PRICKLE2: variants seen among roughly 807,000 people sequenced by gnomAD.
PRICKLE2 encodes prickle-like protein 2.
Under a neutral mutation model 81.4 loss-of-function variants are expected in PRICKLE2, and 21 were observed. The observed-to-expected ratio is 0.26, with a 90% CI of 0.18 to 0.37. The LOEUF (loss-of-function observed/expected upper bound fraction) is 0.37. Ranked by LOEUF, PRICKLE2 falls within the 10% of genes least tolerant of loss-of-function variation. The pLI is 1.00. For missense variants in PRICKLE2, 940 were observed against 1,109.0 expected (o/e 0.85, Z 2.16); for synonymous variants, 456 against 421.5 (o/e 1.08, Z -1.00).
At position 64,099,085 on chromosome 3, in the gene PRICKLE2, T is replaced by C. The variant is rs2076610971; in HGVS notation, c.2501A>G (p.Lys834Arg). The C allele has an allele frequency of 6.2e-7, 1 of 1,614,128 alleles. No individual in the cohort carries two copies. The highest frequency in any genetic ancestry group is 1.7e-5 in the Admixed American group (1 of 60,004). ...GATACAGTTTTTGCTCTTCTGTCTTTTCCTGCTGTGCAACTGTCCTCTGCC... is the reference window on the plus strand; with the variant it reads ...GATACAGTTTTTGCTCTTCTGTCTTCTCCTGCTGTGCAACTGTCCTCTGCC... ...LGGRGQLHSR[K>R]RQKSKNCIIS The change falls in exon 8 of 8, where the codon AAA becomes AGA. Residue 834 changes from lysine to arginine, a missense_variant. Around this residue, in one of 2 missense-constraint regions of PRICKLE2, gnomAD observed 670 missense variants for 717.2 expected, o/e 0.93. Transcript: ENST00000638394. This position sits in a 1 kb window ranked among gnomAD's most constrained non-coding sequence, Gnocchi z 4.3.
chr3:64,261,365 G>A (rs920148592), intron 2 of PRICKLE2, among the ~76,000 whole-genome samples: 4 of 152,130 alleles, frequency 2.6e-5, no homozygotes, highest in Non-Finnish European at 5.9e-5. Context: ...TTTGTTTAGG[G>A]AGCCCTCCTA....
intron 7 of PRICKLE2, chr3:64,100,174 T>C (rs780584123): frequency 3.7e-6 from 2 of 539,542 alleles, no homozygotes; most frequent in Non-Finnish European, 6.6e-6. Flanking sequence ...TACTAGTTCC[T>C]CCAAAGGCTC....
At chr3:64,233,204 C>T (rs1325216619) in intron 2 of PRICKLE2, among the ~76,000 whole-genome samples, 1 of 150,564 alleles carries the variant, frequency 6.6e-6, no homozygotes, top group Non-Finnish European at 1.5e-5. Context: ...ATGCCACTGC[C>T]ATTTCTCTCC....
Position 64,147,246 on chromosome 3 carries a change from G to A in PRICKLE2, c.1244C>T (p.Pro415Leu). ...NKMEQNQTQS[P>L]LQLLSQCNIR... ...GTTGCACTGGCTGAGGAGCTGCAGA[G>A]GGCTCTGGGTCTGGTTCTGCTCCAT... The change falls in exon 7 of 8, where the codon CCT (proline) becomes CTT (leucine). Residue 415 changes from proline to leucine, a missense_variant. This residue lies in a region of PRICKLE2 where 670 missense variants were observed against 717.2 expected (regional missense o/e 0.93). Transcript: ENST00000638394. The surrounding 1 kb of genome is among the most constrained non-coding windows in gnomAD (Gnocchi z 5.0). 1 of 1,609,228 alleles carries A rather than the reference G, an allele frequency of 6.2e-7. No individual in the cohort carries two copies. Among genetic ancestry groups the A allele is most frequent in the Non-Finnish European group, 8.5e-7 (1 of 1,176,754 alleles).
rs1397142932 is a variant in PRICKLE2 at position 64,225,087 on chromosome 3, C to T, written c.-218G>A. 2.0e-6 allele frequency: 2 copies of T among 985,318 alleles called. No individual in the cohort carries two copies. Among genetic ancestry groups the T allele is most frequent in the East Asian group, 2.3e-4 (2 of 8,810 alleles). The allele number at this position is 985,318 out of a possible 1,614,324, so 61.0% of individuals were successfully genotyped here. On this transcript the variant is annotated 5_prime_UTR_variant, in exon 1 of 8. Coordinates refer to ENST00000638394, the MANE Select transcript of PRICKLE2 (RefSeq NM_198859.4). ...TTTTCAGTCTGAACCCTTCCTGAAG[C>T]TGGCAACAGACTCAAGCCGAGCTGC...
At chr3:64,178,503 T>C (rs1054057040) in intron 2 of PRICKLE2, among the ~76,000 whole-genome samples, 1 of 152,222 alleles carries the variant, frequency 6.6e-6, no homozygotes, top group Admixed American at 6.5e-5. Flanking sequence ...GCAAGTCTCA[T>C]GGACATGCCT....
chr3:64,202,181 AT>A (rs1235995544), intron 1 of PRICKLE2, among the ~76,000 whole-genome samples: 3 of 152,140 alleles, frequency 2.0e-5, no homozygotes, highest in Non-Finnish European at 4.4e-5. Flanking sequence ...GAGTCAAGCA[AT>A]TTTTGTTCTT....
In PRICKLE2 at chr3:64,146,919, A is replaced by T; in HGVS notation, c.1571T>A (p.Ile524Asn). ...GTCCTCTGTGTATTTCAGGGAACTG[A>T]TGGGATGACGGGTCCGACACTGCTG... ...STQQCRTRHP[I>N]SSLKYTEDMT... Residue 524 changes from isoleucine to asparagine, a missense_variant, in exon 7 of 8, where the codon ATC becomes AAC. Around this residue, in one of 2 missense-constraint regions of PRICKLE2, gnomAD observed 670 missense variants for 717.2 expected, o/e 0.93. Transcript: ENST00000638394. The T allele has an allele frequency of 6.2e-7, 1 of 1,614,050 alleles. No homozygotes were observed. Among genetic ancestry groups the T allele is most frequent in the Non-Finnish European group, 8.5e-7 (1 of 1,180,000 alleles).
At chr3:64,138,842 C>T (rs767672029) in intron 7 of PRICKLE2, among the ~76,000 whole-genome samples, 6 of 152,182 alleles carry the variant, frequency 3.9e-5, no homozygotes, top group Non-Finnish European at 7.3e-5. Flanking sequence ...AATACATAAG[C>T]ACATCTGAGG....
intron 6 of PRICKLE2, among the ~76,000 whole-genome samples, chr3:64,150,399 A>G (rs945334361): frequency 3.3e-5 from 5 of 152,144 alleles, no homozygotes; most frequent in Admixed American, 6.5e-5. Flanking sequence ...TGGAGTGCTG[A>G]GAACTGGGCC....
chr3:64,155,758 G>A (rs935609799), intron 5 of PRICKLE2, among the ~76,000 whole-genome samples: 4 of 152,104 alleles, frequency 2.6e-5, no homozygotes, highest in Non-Finnish European at 4.4e-5. Flanking sequence ...CACGCTAAAC[G>A]AAAGAAACCA....
intron 2 of PRICKLE2, among the ~76,000 whole-genome samples, chr3:64,170,502 C>T (rs1000881350): frequency 6.6e-6 from 1 of 152,060 alleles, no homozygotes; most frequent in Non-Finnish European, 1.5e-5. Flanking sequence ...GCAGTCGAGT[C>T]TCTATTCAGC....
chr3:64,249,051 T>A (rs1426950563), intron 2 of PRICKLE2, among the ~76,000 whole-genome samples: 2 of 152,202 alleles, frequency 1.3e-5, no homozygotes, highest in African/African-American at 4.8e-5. Flanking sequence ...ATTAACAATC[T>A]GTATTAGTCT....
At chr3:64,134,496 G>C (rs1321370038) in intron 7 of PRICKLE2, among the ~76,000 whole-genome samples, 1 of 152,130 alleles carries the variant, frequency 6.6e-6, no homozygotes, top group African/African-American at 2.4e-5. Flanking sequence ...TTGTTGACTG[G>C]GTATAGGGGG....
intron 2 of PRICKLE2, among the ~76,000 whole-genome samples, chr3:64,233,211 C>T (rs539521661): frequency 2.7e-5 from 4 of 149,828 alleles, no homozygotes; most frequent in Admixed American, 1.3e-4. Flanking sequence ...TGCCATTTCT[C>T]TCCTGGATGA....
chr3:64,173,097 G>T (rs2077962239), intron 2 of PRICKLE2, among the ~76,000 whole-genome samples: 1 of 152,238 alleles, frequency 6.6e-6, no homozygotes, highest in Non-Finnish European at 1.5e-5. Context: ...TAGGTGGAAA[G>T]AGGTTATATT....
At chr3:64,110,759 T>G (rs1487213027) in intron 7 of PRICKLE2, among the ~76,000 whole-genome samples, 2 of 151,726 alleles carry the variant, frequency 1.3e-5, no homozygotes, top group African/African-American at 4.8e-5. Flanking sequence ...ACTGGAACAT[T>G]GTGAGCAAGG....
Position 64,220,551 on chromosome 3 carries a change from C to T in PRICKLE2, c.-41+4359G>A, listed in dbSNP as rs569102464. Among the ~76,000 whole-genome samples, 6 of 152,292 alleles carry T rather than the reference C, an allele frequency of 3.9e-5. No homozygotes were observed. In the South Asian group the frequency reaches 1.2e-3, roughly 32 times the overall value. On this transcript the variant is annotated intron_variant, in intron 1 of 7. Coordinates refer to ENST00000638394, the MANE Select transcript of PRICKLE2 (RefSeq NM_198859.4). Reference sequence around the variant, plus strand: ...GATACAGCACTCAAACACTTACATACAGCAGCTCAAACACATACAGCAGCT... The same window carrying T: ...GATACAGCACTCAAACACTTACATATAGCAGCTCAAACACATACAGCAGCT...
chr3:64,187,206 C>G (rs732696), intron 2 of PRICKLE2, among the ~76,000 whole-genome samples: 34,657 of 152,190 alleles, frequency 0.23, 4,218 homozygotes, highest in African/African-American at 0.28. Flanking sequence ...CCAACTCTGA[C>G]AGCTCCGTTG....
Sources: allele counts gnomAD v4.1 joint callset (sites outside exome capture counted in the v4.1 genomes callset), GRCh38; gene constraint gnomAD v4.1.1; regional missense constraint gnomAD v4.1.1; non-coding constraint Gnocchi (gnomAD v3.1); transcripts MANE v1.5; gene names NCBI Gene and HGNC (gene_info 2026-07-23, HGNC 2026-07-21).